The following GFOD1 variants were observed in gnomAD, a reference collection of about 807,000 sequenced individuals.
GFOD1 encodes the protein Gfo/Idh/MocA-like oxidoreductase domain containing 1.
A neutral mutation model predicts 25.4 loss-of-function variants in GFOD1; 9 were observed. The ratio of observed to expected loss-of-function variants is 0.35; its 90% CI spans 0.21 to 0.62. GFOD1 has a LOEUF of 0.62. Ranked by LOEUF, GFOD1 falls within the 20% of genes least tolerant of loss-of-function variation. The probability of loss-of-function intolerance (pLI) is 0.72; values close to 1 mark genes in which losing one functional copy is unlikely to be tolerated. For missense variants in GFOD1, 403 were observed against 556.9 expected, an observed-to-expected ratio of 0.72 and a Z score of 2.78; for synonymous variants, 253 against 245.6, an observed-to-expected ratio of 1.03 and a Z score of -0.28.
intron 1 of GFOD1, among the ~76,000 whole-genome samples, chr6:13,369,243 C>T (rs76260017): frequency 6.6e-6 from 1 of 152,236 alleles, no homozygotes; most frequent in African/African-American, 2.4e-5. Flanking sequence ...TCATGCTTTA[C>T]AGATGGGTCT....
At chr6:13,398,257 C>T (rs140538328) in intron 1 of GFOD1, among the ~76,000 whole-genome samples, 98 of 152,214 alleles carry the variant, frequency 6.4e-4, no homozygotes, top group Middle Eastern at 3.4e-3. Context: ...GCACATTAGT[C>T]AGTTATTACT....
At chr6:13,442,131 G>A (rs1757927249) in intron 1 of GFOD1, among the ~76,000 whole-genome samples, 1 of 152,230 alleles carries the variant, frequency 6.6e-6, no homozygotes, top group South Asian at 2.1e-4. Context: ...CCAAGGCCGG[G>A]AATCAATTTT....
chr6:13,461,989 A>G (rs755368536), intron 1 of GFOD1, among the ~76,000 whole-genome samples: 14 of 152,196 alleles, frequency 9.2e-5, no homozygotes, highest in Non-Finnish European at 2.1e-4. Flanking sequence ...GAGTAGCGCA[A>G]CAGCACAAAT....
chr6:13,420,409 A>G (rs1044153051), intron 1 of GFOD1, among the ~76,000 whole-genome samples: 6 of 152,196 alleles, frequency 3.9e-5, no homozygotes, highest in African/African-American at 1.4e-4. Context: ...ATTCTTGGGC[A>G]TCTTTCCAAG....
intron 1 of GFOD1, chr6:13,486,256 C>CA (rs1758866153): frequency 2.0e-5 from 6 of 305,640 alleles, no homozygotes; most frequent in Admixed American, 1.3e-4. Flanking sequence ...ATCCCCCCCC[C>CA]CCACACACAC....
chr6:13,427,987 G>T (rs75154056), intron 1 of GFOD1, among the ~76,000 whole-genome samples: 1 of 152,278 alleles, frequency 6.6e-6, no homozygotes, highest in East Asian at 1.9e-4. Context: ...GAAAGGTGTT[G>T]ATGGCTCTCT....
At chr6:13,382,522 T>C (rs899350441) in intron 1 of GFOD1, among the ~76,000 whole-genome samples, 6 of 152,190 alleles carry the variant, frequency 3.9e-5, no homozygotes, top group African/African-American at 1.4e-4. Context: ...CCCAGACATG[T>C]GATACTGTAA....
chr6:13,414,332 G>A (rs1029709015), intron 1 of GFOD1, among the ~76,000 whole-genome samples: 1 of 152,242 alleles, frequency 6.6e-6, no homozygotes. Context: ...GGCTTGTGAC[G>A]CAGGTCTGTG....
At chr6:13,409,166 GGAA>G (rs1184863548) in intron 1 of GFOD1, among the ~76,000 whole-genome samples, 2 of 8,520 alleles carry the variant, frequency 2.3e-4, no homozygotes, top group East Asian at 5.5e-3. Context: ...AAGAAAGAAA[GGAA>G]AGAGAGAGAG....
chr6:13,409,203 G>A (rs9474127), intron 1 of GFOD1, among the ~76,000 whole-genome samples: 1 of 79,370 alleles, frequency 1.3e-5, no homozygotes, highest in Non-Finnish European at 3.7e-5. Context: ...GAAAGAAAGA[G>A]AAAGAAGGAA....
chr6:13,383,223 C>G (rs774282569), intron 1 of GFOD1, among the ~76,000 whole-genome samples: 1 of 152,184 alleles, frequency 6.6e-6, no homozygotes, highest in Non-Finnish European at 1.5e-5. Context: ...GATGGGGGGT[C>G]ACCCAGGTTG....
Position 13,361,866 on chromosome 6 carries a change from T to G in GFOD1, c.*2877A>C, listed in dbSNP as rs959834969. 1.3e-5 allele frequency: 2 copies of G among 152,190 alleles called. No homozygotes were observed. Among genetic ancestry groups the G allele is most frequent in the African/African-American group, 4.8e-5 (2 of 41,440 alleles). 9.4% of individuals were successfully genotyped at this position (152,190 alleles called of 1,614,324 possible). Reference sequence around the variant, plus strand: ...TAATACCCCAGCTTCAAATGAGATTTTTTGTTTTAGACATTAAATATGTAT... The same window carrying G: ...TAATACCCCAGCTTCAAATGAGATTGTTTGTTTTAGACATTAAATATGTAT... On this transcript the variant is annotated 3_prime_UTR_variant, in exon 2 of 2. Coordinates refer to ENST00000379287, the MANE Select transcript of GFOD1 (RefSeq NM_018988.4).
chr6:13,472,784 G>GA (rs1201317250), intron 1 of GFOD1, among the ~76,000 whole-genome samples: 2 of 152,192 alleles, frequency 1.3e-5, no homozygotes, highest in East Asian at 3.8e-4. Flanking sequence ...TTTTGAAATA[G>GA]AAAAAATGAA....
chr6:13,377,277 G>C (rs1390415019), intron 1 of GFOD1, among the ~76,000 whole-genome samples: 2 of 152,162 alleles, frequency 1.3e-5, no homozygotes, highest in African/African-American at 4.8e-5. Flanking sequence ...AAACTGAGCA[G>C]CTTAAAACAA....
In GFOD1 at chr6:13,448,072, G is replaced by C. The variant is rs368984571; in HGVS notation, c.253+38566C>G. Among the ~76,000 whole-genome samples the C allele has an allele frequency of 1.3e-4, 20 of 152,290 alleles. No individual in the cohort carries two copies. In the East Asian group the frequency reaches 3.9e-3, roughly 29 times the overall value. ...TGGTGTGTGCCTGGGTGGAGGGATG[G>C]AGGGGGCACTCGTGGTGCCCTGAAC... On this transcript the variant is annotated intron_variant, in intron 1 of 1. Coordinates refer to ENST00000379287, the MANE Select transcript of GFOD1 (RefSeq NM_018988.4).
At chr6:13,438,138 C>G (rs1390371187) in intron 1 of GFOD1, among the ~76,000 whole-genome samples, 1 of 152,076 alleles carries the variant, frequency 6.6e-6, no homozygotes, top group Non-Finnish European at 1.5e-5. Flanking sequence ...TGGGGAGGAT[C>G]GAAGGGCATA....
intron 1 of GFOD1, among the ~76,000 whole-genome samples, chr6:13,481,031 GGGTACCCT>G (rs1758739571): frequency 6.6e-6 from 1 of 152,164 alleles, no homozygotes; most frequent in Admixed American, 6.5e-5. Flanking sequence ...AGGGAGATAA[GGGTACCCT>G]GGTGAACCAA....
intron 1 of GFOD1, among the ~76,000 whole-genome samples, chr6:13,485,370 T>G (rs568366945): frequency 6.6e-6 from 1 of 152,360 alleles, no homozygotes. Context: ...CTACATAACT[T>G]CCGGCTGGTT....
chr6:13,433,489 C>T (rs781476862), intron 1 of GFOD1, among the ~76,000 whole-genome samples: 1 of 152,148 alleles, frequency 6.6e-6, no homozygotes, highest in Non-Finnish European at 1.5e-5. Flanking sequence ...CATTCCTGGC[C>T]TCTACTCCTA....
Sources: allele counts gnomAD v4.1 joint callset (sites outside exome capture counted in the v4.1 genomes callset), GRCh38; gene constraint gnomAD v4.1.1; transcripts MANE v1.5; gene names NCBI Gene and HGNC (gene_info 2026-07-23, HGNC 2026-07-21).